The following CMYA5 variants were observed in gnomAD, a reference collection of about 807,000 sequenced individuals.
CMYA5 encodes the protein cardiomyopathy-associated protein 5.
A neutral mutation model predicts 318.9 loss-of-function variants in CMYA5; 246 were observed. The observed-to-expected ratio is 0.77, with a 90% CI of 0.70 to 0.86. The LOEUF (loss-of-function observed/expected upper bound fraction) is 0.86. CMYA5 is among the 40% of genes least tolerant of loss of function. The probability of loss-of-function intolerance (pLI) is 0.00; values close to 1 mark genes in which losing one functional copy is unlikely to be tolerated. For missense variants in CMYA5, 4,589 were observed against 4,678.2 expected (o/e 0.98, Z 0.56); for synonymous variants, 1,641 against 1,729.5 (o/e 0.95, Z 1.27).
At chr5:79,754,649 A>AT (rs140604323) in intron 6 of CMYA5, among the ~76,000 whole-genome samples, 142 of 150,054 alleles carry the variant, frequency 9.5e-4, no homozygotes, top group Admixed American at 1.6e-3. Flanking sequence ...GCACCTGGGG[A>AT]TTTTTTTTTT....
At chr5:79,725,749 A>G (rs1236097564) in intron 1 of CMYA5, among the ~76,000 whole-genome samples, 1 of 152,124 alleles carries the variant, frequency 6.6e-6, no homozygotes, top group Non-Finnish European at 1.5e-5. Flanking sequence ...CTGAAAATAC[A>G]AAAAATTAGC....
chr5:79,694,191 T>C (rs980742619), intron 1 of CMYA5, among the ~76,000 whole-genome samples: 1 of 152,130 alleles, frequency 6.6e-6, no homozygotes, highest in Non-Finnish European at 1.5e-5. Context: ...CTGAGTAAAA[T>C]TGGAAGCTAT....
intron 9 of CMYA5, among the ~76,000 whole-genome samples, chr5:79,788,142 A>G (rs566961430): frequency 2.0e-5 from 3 of 152,080 alleles, no homozygotes; most frequent in Non-Finnish European, 2.9e-5. Flanking sequence ...AGGAACTTTC[A>G]TTAGCAAGGA....
At chr5:79,770,714 T>A (rs1828840455) in intron 9 of CMYA5, among the ~76,000 whole-genome samples, 1 of 152,162 alleles carries the variant, frequency 6.6e-6, no homozygotes, top group Non-Finnish European at 1.5e-5. Context: ...CTGTTCCTAT[T>A]CGGCCATCTT....
At chr5:79,708,739 C>G (rs1196033589) in intron 1 of CMYA5, among the ~76,000 whole-genome samples, 1 of 151,304 alleles carries the variant, frequency 6.6e-6, no homozygotes, top group Non-Finnish European at 1.5e-5. Context: ...TCGACATTAG[C>G]CTGGCCAACA....
intron 9 of CMYA5, among the ~76,000 whole-genome samples, chr5:79,766,677 C>G (rs1454815532): frequency 6.6e-6 from 1 of 152,178 alleles, no homozygotes; most frequent in Non-Finnish European, 1.5e-5. Context: ...GGTGGATAAG[C>G]TTTTTGATGT....
At chr5:79,766,795 G>T (rs1828762634) in intron 9 of CMYA5, among the ~76,000 whole-genome samples, 1 of 152,040 alleles carries the variant, frequency 6.6e-6, no homozygotes, top group Non-Finnish European at 1.5e-5. Flanking sequence ...GCCAAGTTTT[G>T]GTATCAGGAT....
intron 1 of CMYA5, among the ~76,000 whole-genome samples, chr5:79,717,196 A>C (rs1013050876): frequency 6.6e-6 from 1 of 152,238 alleles, no homozygotes; most frequent in African/African-American, 2.4e-5. Context: ...TTATTGCTGT[A>C]ACATGATTTA....
intron 9 of CMYA5, among the ~76,000 whole-genome samples, chr5:79,767,470 T>G (rs10079452): frequency 6.6e-6 from 1 of 152,290 alleles, no homozygotes; most frequent in Middle Eastern, 3.4e-3. Flanking sequence ...AAACACTGCT[T>G]TAGCTGTGTC....
intron 10 of CMYA5, among the ~76,000 whole-genome samples, chr5:79,790,495 T>A (rs183329061): frequency 6.6e-6 from 1 of 152,142 alleles, no homozygotes; most frequent in Non-Finnish European, 1.5e-5. Flanking sequence ...GGTCTCGAGC[T>A]CCTGACCTTG....
At position 79,794,781 on chromosome 5, in the gene CMYA5, G is replaced by A. The variant is rs79857512; in HGVS notation, c.11963+1171G>A. Among the ~76,000 whole-genome samples, 96 of 152,296 alleles carry A rather than the reference G, an allele frequency of 6.3e-4. No homozygotes were observed. The East Asian group carries it at 0.018, about 28-fold the overall frequency. ...ATTGGGATTTTGCATATCTCTGGCT[G>A]CACATTTCTCCCTGCATCCTACTTG... On this transcript the variant is annotated intron_variant, in intron 12 of 12. Transcript: ENST00000446378.
At chr5:79,793,724 C>A in intron 12 of CMYA5, 114 bp downstream of exon 12, 3 of 923,574 alleles carry the variant, frequency 3.2e-6, no homozygotes, top group South Asian at 1.9e-5. Flanking sequence ...ACTTCTGAGC[C>A]AACTAAGAAA....
chr5:79,778,819 G>GTGTGTGTGTGTATGTGTA (rs1561228896), intron 9 of CMYA5, among the ~76,000 whole-genome samples: 1 of 115,080 alleles, frequency 8.7e-6, no homozygotes. Flanking sequence ...TTCTGTGTGT[G>GTGTGTGTGTGTATGTGTA]TGTGTGTGTG....
At chr5:79,743,766 A>G (rs1397121097) in intron 2 of CMYA5, 61 bp from the exon 3 acceptor site, 2 of 831,304 alleles carry the variant, frequency 2.4e-6, no homozygotes, top group African/African-American at 3.5e-5. Flanking sequence ...CTTGGAGCTC[A>G]CTGGTTGAAG....
At chr5:79,714,621 G>A (rs957757226) in intron 1 of CMYA5, among the ~76,000 whole-genome samples, 4 of 151,550 alleles carry the variant, frequency 2.6e-5, no homozygotes, top group Admixed American at 1.3e-4. Flanking sequence ...GAATTTTTTT[G>A]TAGTGATGGG....
At chr5:79,701,995 C>T (rs1029692433) in intron 1 of CMYA5, among the ~76,000 whole-genome samples, 10 of 152,060 alleles carry the variant, frequency 6.6e-5, no homozygotes, top group East Asian at 1.9e-4. Context: ...GGCGTGGTGG[C>T]GGGCGCCTGT....
chr5:79,733,320 A>C lies in CMYA5; in HGVS notation c.4555A>C (p.Thr1519Pro), dbSNP rs777383747. 6.2e-7 allele frequency: 1 copy of C among 1,613,678 alleles called. No individual in the cohort carries two copies. The highest frequency in any genetic ancestry group is 8.5e-7 in the Non-Finnish European group (1 of 1,179,802). The change falls in exon 2 of 13, where the codon ACC becomes CCC. Residue 1519 changes from threonine to proline, a missense_variant. Transcript: ENST00000446378. ...ATCACAGAAGAAGAGCTTGATGTCT[A>C]CCTCAGAGGTGTTAGAGCCTGAACA... ...VSSQKKSLMS[T>P]SEVLEPEHEL...
At chr5:79,742,156 CT>C (rs1828228329) in intron 2 of CMYA5, among the ~76,000 whole-genome samples, 3 of 138,652 alleles carry the variant, frequency 2.2e-5, no homozygotes, top group Admixed American at 1.6e-4. Context: ...CCCCCTCTTC[CT>C]TTCCCCCCTC....
chr5:79,737,895 C>T lies in CMYA5; in HGVS notation c.9130C>T (p.Pro3044Ser). 6.2e-7 allele frequency: 1 copy of T among 1,604,226 alleles called. No individual in the cohort carries two copies. The highest frequency in any genetic ancestry group is 8.5e-7 in the Non-Finnish European group (1 of 1,177,466). ...DSETDLSFIQ[P>S]TIPSEEDYFE... ...AGAAACTGATTTATCATTTATTCAG[C>T]CCACAATTCCCAGTGAAGAGGATTA... Residue 3044 changes from proline (P) to serine (S), a missense_variant, in exon 2 of 13, where the codon CCC becomes TCC. Around this residue, in one of 3 missense-constraint regions of CMYA5, gnomAD observed 2,431 missense variants for 2,495.1 expected, o/e 0.97. Transcript: ENST00000446378.
Sources: allele counts gnomAD v4.1 joint callset (sites outside exome capture counted in the v4.1 genomes callset), GRCh38; gene constraint gnomAD v4.1.1; regional missense constraint gnomAD v4.1.1; transcripts MANE v1.5; gene names NCBI Gene and HGNC (gene_info 2026-07-23, HGNC 2026-07-21).